The following LIMA1 variants were observed in gnomAD, a reference collection of about 807,000 sequenced individuals.
The protein encoded by LIMA1 is LIM domain and actin binding 1.
LIMA1 carries 52 observed loss-of-function variants against 62.6 expected under a neutral mutation model. The ratio of observed to expected loss-of-function variants is 0.83; its 90% CI spans 0.67 to 1.05. The LOEUF is 1.05. Among genes scored for constraint, LIMA1 ranks in the 50% least tolerant of loss-of-function variants. LIMA1 has a pLI of 0.00. For synonymous variants in LIMA1, 302 were observed against 317.8 expected (o/e 0.95, Z 0.53); for missense variants, 780 against 902.2 (o/e 0.86, Z 1.74).
chr12:50,196,225 G>A (rs753508619), intron 7 of LIMA1, among the ~76,000 whole-genome samples: 3 of 152,064 alleles, frequency 2.0e-5, no homozygotes, highest in Admixed American at 6.6e-5. Flanking sequence ...CTCTATCAAG[G>A]AGAGCAAAGC....
intron 2 of LIMA1, among the ~76,000 whole-genome samples, chr12:50,235,980 C>A (rs372552092): frequency 6.6e-6 from 1 of 152,074 alleles, no homozygotes. Flanking sequence ...GCCCCGCCAA[C>A]CTGGCAAAAC....
At chr12:50,244,852 G>C (rs918034815) in intron 2 of LIMA1, among the ~76,000 whole-genome samples, 2 of 152,168 alleles carry the variant, frequency 1.3e-5, no homozygotes, top group Admixed American at 6.5e-5. Context: ...TGGGGAAGAG[G>C]TGAGAGCCTC....
chr12:50,190,830 A>C (rs1259520729), intron 9 of LIMA1, among the ~76,000 whole-genome samples: 2 of 150,718 alleles, frequency 1.3e-5, no homozygotes, highest in African/African-American at 4.9e-5. Context: ...TGGGAACAAC[A>C]GGGCCAGGTG....
intron 2 of LIMA1, among the ~76,000 whole-genome samples, chr12:50,242,333 C>T (rs1190942045): frequency 6.6e-6 from 1 of 151,132 alleles, no homozygotes; most frequent in Non-Finnish European, 1.5e-5. Context: ...GAAGAATAGT[C>T]ACAGAAAACT....
chr12:50,226,566 C>T (rs200064563), intron 3 of LIMA1, among the ~76,000 whole-genome samples: 15 of 152,204 alleles, frequency 9.9e-5, no homozygotes, highest in Admixed American at 2.6e-4. Flanking sequence ...TTTCACTGGG[C>T]GCAGTGGCTC....
chr12:50,187,443 G>A (rs1278585009), intron 9 of LIMA1: 1 of 152,158 alleles, frequency 6.6e-6, no homozygotes, highest in African/African-American at 2.4e-5. Flanking sequence ...CACAGCAAAT[G>A]GTTGGGCCAG....
chr12:50,202,704 A>G (rs138557880), intron 6 of LIMA1, among the ~76,000 whole-genome samples: 12 of 152,312 alleles, frequency 7.9e-5, no homozygotes, highest in African/African-American at 2.9e-4. Context: ...TTGCCCAGAG[A>G]ATTAGTCCAC....
intron 1 of LIMA1, among the ~76,000 whole-genome samples, chr12:50,282,986 C>T (rs1942358309): frequency 6.6e-6 from 1 of 152,112 alleles, no homozygotes; most frequent in South Asian, 2.1e-4. Context: ...AAACAGAGTT[C>T]AGCTGGCGTA....
At chr12:50,249,101 C>T (rs1215217771) in intron 1 of LIMA1, among the ~76,000 whole-genome samples, 3 of 152,192 alleles carry the variant, frequency 2.0e-5, no homozygotes, top group African/African-American at 7.2e-5. Flanking sequence ...TGAATTACAT[C>T]CCAGGGGAGG....
intron 9 of LIMA1, chr12:50,185,712 T>C (rs981543606): frequency 6.0e-6 from 2 of 333,610 alleles, no homozygotes; most frequent in Non-Finnish European, 1.2e-5. Context: ...AACAATTCTT[T>C]AGTGGCTTAC....
rs572380127 is a variant in LIMA1 at position 50,222,764 on chromosome 12, A to G, written c.166-279T>C. On this transcript the variant is annotated intron_variant, in intron 3 of 10. Coordinates refer to ENST00000341247, the MANE Select transcript of LIMA1 (RefSeq NM_016357.5). ...TGAGAAGAAAGGCAAACCCAGCTCT[A>G]ATGATAGTTACATGCGAAACAAGAG... is the stretch of plus-strand genomic sequence containing the variant. 11 of 1,089,584 alleles carry G rather than the reference A, an allele frequency of 1.0e-5. No individual in the cohort carries two copies. In the East Asian group the frequency reaches 3.9e-4, roughly 39 times the overall value. The allele number at this position is 1,089,584 out of a possible 1,614,324, so 67.5% of individuals were successfully genotyped here. A position where few individuals can be genotyped will look rare whatever the true frequency, so the allele number is the denominator to read the frequency against.
intron 2 of LIMA1, among the ~76,000 whole-genome samples, chr12:50,245,452 A>T (rs1941835160): frequency 6.6e-6 from 1 of 151,708 alleles, no homozygotes; most frequent in Admixed American, 6.6e-5. Context: ...AAAGAAAAGA[A>T]ATTATGAGCC....
At chr12:50,216,040 C>CAA (rs5798134) in intron 4 of LIMA1, among the ~76,000 whole-genome samples, 9 of 143,308 alleles carry the variant, frequency 6.3e-5, no homozygotes, top group African/African-American at 2.3e-4. Flanking sequence ...GAGGCTGTCT[C>CAA]AAAAAAAAAA....
At chr12:50,267,708 C>T (rs532499862) in intron 1 of LIMA1, among the ~76,000 whole-genome samples, 3 of 147,222 alleles carry the variant, frequency 2.0e-5, no homozygotes, top group Non-Finnish European at 3.0e-5. Flanking sequence ...TTAGTAGAGG[C>T]GGGGTTTCAC....
intron 9 of LIMA1, among the ~76,000 whole-genome samples, chr12:50,183,870 T>G: frequency 6.7e-6 from 1 of 150,090 alleles, no homozygotes. Context: ...AGACTGTTGG[T>G]TCACTTGCCA....
In LIMA1 at chr12:50,176,936, T is replaced by C; in HGVS notation, c.*128A>G. The C allele has an allele frequency of 1.4e-6, 1 of 736,938 alleles. No individual in the cohort carries two copies. Among genetic ancestry groups the C allele is most frequent in the Non-Finnish European group, 2.1e-6 (1 of 485,106 alleles). The allele number at this position is 736,938 out of a possible 1,614,324, so 45.6% of individuals were successfully genotyped here. ...TTTTTGATTTTAAGAAGGAATTCTTTTCCAAAGTTACTTCCAAGTAAATTA... is the reference window on the plus strand; with the variant it reads ...TTTTTGATTTTAAGAAGGAATTCTTCTCCAAAGTTACTTCCAAGTAAATTA... On this transcript the variant is annotated 3_prime_UTR_variant, in exon 11 of 11. Coordinates refer to ENST00000341247, the MANE Select transcript of LIMA1 (RefSeq NM_016357.5).
At chr12:50,221,565 T>C (rs1941440914) in intron 4 of LIMA1, among the ~76,000 whole-genome samples, 1 of 152,114 alleles carries the variant, frequency 6.6e-6, no homozygotes, top group African/African-American at 2.4e-5. Flanking sequence ...ATGAGGAAGT[T>C]GAGAAGAAGA....
intron 9 of LIMA1, chr12:50,188,754 G>C (rs893534199): frequency 2.6e-5 from 4 of 152,216 alleles, no homozygotes; most frequent in South Asian, 2.1e-4. Flanking sequence ...GAACTTGAGT[G>C]GGGAGGGATC....
At chr12:50,226,294 G>A (rs1370896137) in intron 3 of LIMA1, among the ~76,000 whole-genome samples, 6 of 151,904 alleles carry the variant, frequency 3.9e-5, no homozygotes, top group Admixed American at 2.0e-4. Context: ...CTCCCACCTC[G>A]GCCTCCCAAA....
Sources: gnomAD v4.1 joint callset for allele counts (sites outside exome capture counted in the v4.1 genomes callset) on GRCh38, gnomAD v4.1.1 for gene constraint, MANE v1.5 for transcripts, NCBI Gene and HGNC (gene_info 2026-07-23, HGNC 2026-07-21) for gene names.